HBS1L: variants seen among roughly 807,000 people sequenced by gnomAD.
The protein encoded by HBS1L is HBS1 like translational GTPase, also known as HBS1-like protein.
In HBS1L, 55 loss-of-function variants were observed where a neutral mutation model predicts 88.9. The observed-to-expected ratio is 0.62, with a 90% confidence interval of 0.50 to 0.77. HBS1L has a LOEUF of 0.77. Among genes scored for constraint, HBS1L ranks in the 30% least tolerant of loss-of-function variants. The pLI, the probability that HBS1L is intolerant of heterozygous loss-of-function variation, is 0.00. For missense variants in HBS1L, 741 were observed against 829.3 expected, an observed-to-expected ratio of 0.89 and a Z score of 1.31; for synonymous variants, 267 against 288.5, an observed-to-expected ratio of 0.93 and a Z score of 0.76.
At chr6:135,043,202 T>G (rs983454686) in intron 2 of HBS1L, among the ~76,000 whole-genome samples, 1 of 152,240 alleles carries the variant, frequency 6.6e-6, no homozygotes, top group Non-Finnish European at 1.5e-5. Flanking sequence ...GGATGGCCAC[T>G]GAACTGAATC....
chr6:135,010,913 T>C (rs940746795), intron 4 of HBS1L, among the ~76,000 whole-genome samples: 1 of 152,138 alleles, frequency 6.6e-6, no homozygotes, highest in African/African-American at 2.4e-5. Flanking sequence ...TATATTTACA[T>C]GAATGTTATA....
At position 134,962,520 on chromosome 6, in the gene HBS1L, C is replaced by G. The variant is rs1223915052; in HGVS notation, c.*2759G>C. On this transcript the variant is annotated 3_prime_UTR_variant, in exon 18 of 18. Coordinates refer to ENST00000367837, the MANE Select transcript of HBS1L (RefSeq NM_006620.4). ...TTGCATACTCATGGGAGAAAAACAG[C>G]TATGCCTAGAAACTGGCCTCTAAAA... The G allele has an allele frequency of 1.3e-5, 2 of 152,198 alleles. No homozygotes were observed. Among genetic ancestry groups the G allele is most frequent in the Non-Finnish European group, 2.9e-5 (2 of 68,022 alleles). 9.4% of individuals were successfully genotyped at this position (152,198 alleles called of 1,614,324 possible). A position where few individuals can be genotyped will look rare whatever the true frequency, so the allele number is the denominator to read the frequency against.
intron 2 of HBS1L, among the ~76,000 whole-genome samples, chr6:135,047,713 C>T (rs1477101385): frequency 6.6e-6 from 1 of 152,194 alleles, no homozygotes; most frequent in African/African-American, 2.4e-5. Context: ...AATCCATTAA[C>T]TATGTATTAG....
Position 134,979,168 on chromosome 6 carries a change from TCTCA to T in HBS1L, c.1688+6_1688+9del, listed in dbSNP as rs765189163. Reference sequence around the variant, plus strand: ...AGACAACGGTTGCTTAAACTCATTTTCTCACTCACTTGATTTTGATGATATCCAT... The same window carrying T: ...AGACAACGGTTGCTTAAACTCATTTTCTCACTTGATTTTGATGATATCCAT... On this transcript the variant is annotated splice_donor_region_variant and intron_variant, in intron 14 of 17. Transcript: ENST00000367837. 1.2e-6 allele frequency: 2 copies of T among 1,600,752 alleles called. No individual in the cohort carries two copies. The highest frequency in any genetic ancestry group is 1.7e-6 in the Non-Finnish European group (2 of 1,168,426).
chr6:135,051,738 T>C (rs1224947955), intron 1 of HBS1L, among the ~76,000 whole-genome samples: 1 of 152,246 alleles, frequency 6.6e-6, no homozygotes, highest in Non-Finnish European at 1.5e-5. Flanking sequence ...ACTAGATTAA[T>C]ATTTGTTTTA....
At chr6:135,051,752 TA>T (rs1231092721) in intron 1 of HBS1L, among the ~76,000 whole-genome samples, 2 of 152,238 alleles carry the variant, frequency 1.3e-5, no homozygotes, top group Non-Finnish European at 2.9e-5. Flanking sequence ...TGTTTTATTA[TA>T]AATTAATGAA....
At chr6:135,033,663 T>C (rs1396887251) in intron 4 of HBS1L, among the ~76,000 whole-genome samples, 1 of 152,182 alleles carries the variant, frequency 6.6e-6, no homozygotes, top group Non-Finnish European at 1.5e-5. Context: ...AGCCAACAAA[T>C]GGAGACCTAG....
At position 134,997,570 on chromosome 6, in the gene HBS1L, A is replaced by G; in HGVS notation, c.626T>C (p.Leu209Pro). Residue 209 changes from leucine (L) to proline (P), a missense_variant, in exon 6 of 18, where the codon CTT (leucine) becomes CCT (proline). By Grantham distance (98) the Leu-to-Pro change is moderately conservative (BLOSUM62 -3). Around this residue, in one of 3 missense-constraint regions of HBS1L, gnomAD observed 556 missense variants for 598.4 expected, o/e 0.93. Transcript: ENST00000367837. ...IEDAIASSDV[L>P]ETASKSANPP... The stretch of plus-strand genomic sequence containing the variant: ...ATTAGCAGATTTAGAAGCAGTCTCA[A>G]GAACATCGGAAGAAGCAATGGCATC... 6.2e-7 allele frequency: 1 copy of G among 1,614,114 alleles called. No individual in the cohort carries two copies. Among genetic ancestry groups the G allele is most frequent in the Non-Finnish European group, 8.5e-7 (1 of 1,179,982 alleles).
chr6:134,975,697 T>C (rs9373118), intron 15 of HBS1L, among the ~76,000 whole-genome samples: 18,176 of 152,008 alleles, frequency 0.12, 1,526 homozygotes, highest in South Asian at 0.28. Context: ...GGAAAATGGA[T>C]GGTGCTGGAT....
At chr6:134,969,400 G>A (rs967715380) in intron 15 of HBS1L, 62 bp from the exon 16 acceptor site, 14 of 1,011,580 alleles carry the variant, frequency 1.4e-5, no homozygotes, top group Admixed American at 1.1e-4. Flanking sequence ...CTTTTCTTTT[G>A]GCACTTATAC....
At chr6:135,005,177 A>T (rs1037442327) in intron 4 of HBS1L, among the ~76,000 whole-genome samples, 3 of 152,238 alleles carry the variant, frequency 2.0e-5, no homozygotes, top group Non-Finnish European at 4.4e-5. Flanking sequence ...GAAAAGTAAA[A>T]GGCAAACTAG....
Position 135,054,759 on chromosome 6 carries a change from A to C in HBS1L, c.-68T>G. 1 of 1,583,900 alleles carries C rather than the reference A, an allele frequency of 6.3e-7. No homozygotes were observed. On this transcript the variant is annotated 5_prime_UTR_variant, in exon 1 of 18. Transcript: ENST00000367837. ...AAAACACTCCGCTTAGATACTGATA[A>C]GGCGCCAACTGCAGCCTGGAGAACC... is the stretch of plus-strand genomic sequence containing the variant.
chr6:135,018,252 T>C (rs562399797), intron 4 of HBS1L, among the ~76,000 whole-genome samples: 2 of 152,202 alleles, frequency 1.3e-5, no homozygotes, highest in South Asian at 4.1e-4. Flanking sequence ...CCACCTCGGC[T>C]ATGGAGAATA....
chr6:135,050,965 C>T (rs9402678), intron 1 of HBS1L, among the ~76,000 whole-genome samples: 4 of 152,120 alleles, frequency 2.6e-5, no homozygotes, highest in Non-Finnish European at 1.5e-5. Flanking sequence ...CGGTGGCTTA[C>T]GCCTGTAATC....
Position 134,997,533 on chromosome 6 carries a change from C to A in HBS1L, c.663G>T (p.Thr221=). ...TASKSANPPH[T]IQASEEQSST... is the part of the protein sequence containing the mutation. ...AACTCTGCTCTTCTGATGCTTGAATCGTGTGGGGTGGATTAGCAGATTTAG... is the reference window on the plus strand; with the variant it reads ...AACTCTGCTCTTCTGATGCTTGAATAGTGTGGGGTGGATTAGCAGATTTAG... Residue 221 remains threonine (T), a synonymous_variant, in exon 6 of 18, where the codon ACG becomes ACT. Transcript: ENST00000367837. 6.2e-7 allele frequency: 1 copy of A among 1,613,998 alleles called. No homozygotes were observed. Among genetic ancestry groups the A allele is most frequent in the African/African-American group, 1.3e-5 (1 of 74,996 alleles).
intron 4 of HBS1L, chr6:135,036,248 A>G (rs1776544268): frequency 1.0e-6 from 1 of 959,532 alleles, no homozygotes; most frequent in Admixed American, 5.9e-5. Context: ...ATATTTCATT[A>G]TAAAAAACAT....
rs1365098311 is a variant in HBS1L, at chr6:135,037,733, C to T, written c.430+1840G>A. The T allele has an allele frequency of 3.2e-6, 5 of 1,550,894 alleles. No homozygotes were observed. In the Admixed American group the frequency reaches 5.9e-5, roughly 18 times the overall value. Reference sequence around the variant, plus strand: ...AGACTGTCTGTAGATGATAATCTGACTGATGGCTGACTTTCACAGGAATCT... The same window carrying T: ...AGACTGTCTGTAGATGATAATCTGATTGATGGCTGACTTTCACAGGAATCT... On this transcript the variant is annotated intron_variant, in intron 4 of 17. Transcript: ENST00000367837.
chr6:135,022,412 TAC>T (rs1381334696), intron 4 of HBS1L, among the ~76,000 whole-genome samples: 2 of 152,108 alleles, frequency 1.3e-5, no homozygotes, highest in Non-Finnish European at 2.9e-5. Flanking sequence ...TTCATGAAGA[TAC>T]ACAGTTTTGA....
At chr6:135,024,439 C>CAAAAAA (rs60663059) in intron 4 of HBS1L, among the ~76,000 whole-genome samples, 16 of 66,438 alleles carry the variant, frequency 2.4e-4, no homozygotes, top group African/African-American at 5.7e-4. Context: ...GACTTCGTCT[C>CAAAAAA]AAAAAAAAAA....
Sources: allele counts gnomAD v4.1 joint callset (sites outside exome capture counted in the v4.1 genomes callset), GRCh38; gene constraint gnomAD v4.1.1; regional missense constraint gnomAD v4.1.1; transcripts MANE v1.5; gene names NCBI Gene and HGNC (gene_info 2026-07-23, HGNC 2026-07-21).